Variants in FLYWCH2 observed in about 807,000 individuals in gnomAD.
FLYWCH2 encodes FLYWCH family member 2.
Under a neutral mutation model 6.0 loss-of-function variants are expected in FLYWCH2, and 2 were observed. The ratio of observed to expected loss-of-function variants is 0.33; its 90% CI spans 0.14 to 1.04. The LOEUF is 1.04. FLYWCH2 is among the 50% of genes least tolerant of loss of function. FLYWCH2 has a pLI of 0.45. For missense variants in FLYWCH2, 192 were observed against 183.4 expected (o/e 1.05, Z -0.27); for synonymous variants, 87 against 79.3 (o/e 1.10, Z -0.52).
chr16:2,895,413 T>C (rs1596339018), intron 2 of FLYWCH2, 93 bp downstream of exon 2: 1 of 152,100 alleles, frequency 6.6e-6, no homozygotes, highest in Non-Finnish European at 1.5e-5. Flanking sequence ...GATCACGAGG[T>C]CAGGAGATCG....
At chr16:2,893,571 G>C (rs946352779) in intron 1 of FLYWCH2, among the ~76,000 whole-genome samples, 1 of 150,872 alleles carries the variant, frequency 6.6e-6, no homozygotes, top group African/African-American at 2.4e-5. Context: ...TGTCTTGTTC[G>C]TTTAATATGG....
chr16:2,897,929 G>A (rs1359095240), intron 3 of FLYWCH2, among the ~76,000 whole-genome samples: 3 of 152,220 alleles, frequency 2.0e-5, no homozygotes, highest in Admixed American at 6.5e-5. Context: ...AAGAAGAGGC[G>A]TAGCAGGTGG....
chr16:2,893,634 CTTTTTT>C (rs35147234), intron 1 of FLYWCH2, among the ~76,000 whole-genome samples: 7 of 111,928 alleles, frequency 6.3e-5, no homozygotes, highest in Non-Finnish European at 1.1e-4. Context: ...TTCTTTTCTT[CTTTTTT>C]TTTTTTTTTT....
intron 1 of FLYWCH2, among the ~76,000 whole-genome samples, chr16:2,892,199 A>C (rs1431965188): frequency 6.6e-6 from 1 of 150,802 alleles, no homozygotes; most frequent in Non-Finnish European, 1.5e-5. Flanking sequence ...TCTCAAAAAA[A>C]CAAACTATTT....
intron 1 of FLYWCH2, among the ~76,000 whole-genome samples, chr16:2,889,883 G>A (rs1023058316): frequency 2.6e-5 from 4 of 152,056 alleles, no homozygotes; most frequent in South Asian, 2.1e-4. Flanking sequence ...TCTGGAGTTC[G>A]AGACCAGTCT....
chr16:2,897,409 T>G (rs916550318), intron 3 of FLYWCH2, among the ~76,000 whole-genome samples: 2 of 151,634 alleles, frequency 1.3e-5, no homozygotes, highest in Admixed American at 1.3e-4. Flanking sequence ...GGGCTGGGGG[T>G]GTGGCCCTAG....
At chr16:2,884,810 G>A (rs959288863) in intron 1 of FLYWCH2, among the ~76,000 whole-genome samples, 4 of 149,860 alleles carry the variant, frequency 2.7e-5, no homozygotes, top group African/African-American at 9.8e-5. Flanking sequence ...GGAGGCAGAG[G>A]TTGCAGTGAC....
In FLYWCH2 at chr16:2,896,456, C is replaced by T. The variant is rs772636895; in HGVS notation, c.7C>T (p.Leu3=). The T allele has an allele frequency of 6.2e-7, 1 of 1,611,372 alleles. No homozygotes were observed. Among genetic ancestry groups the T allele is most frequent in the Admixed American group, 1.7e-5 (1 of 59,836 alleles). The change falls in exon 3 of 4, where the codon CTG becomes TTG. Residue 3 remains leucine, a synonymous_variant. Transcript: ENST00000396958. MP[L]PEPSEQEGES... The stretch of plus-strand genomic sequence containing the variant: ...ACAGGCCCTGGGTCCCGGGATGCCC[C>T]TGCCCGAGCCCAGCGAGCAGGAGGG...
chr16:2,893,145 C>T (rs1267056650), intron 1 of FLYWCH2, among the ~76,000 whole-genome samples: 1 of 151,982 alleles, frequency 6.6e-6, no homozygotes. Flanking sequence ...TCTCGGAACC[C>T]TCTCCTTTTG....
chr16:2,895,007 A>T (rs1292555893), intron 1 of FLYWCH2, among the ~76,000 whole-genome samples: 1 of 152,114 alleles, frequency 6.6e-6, no homozygotes, highest in African/African-American at 2.4e-5. Context: ...ACAGGGGGCT[A>T]GGTGGCTGCC....
At chr16:2,889,209 C>CTTT (rs1329641985) in intron 1 of FLYWCH2, among the ~76,000 whole-genome samples, 8 of 126,388 alleles carry the variant, frequency 6.3e-5, no homozygotes, top group East Asian at 2.2e-4. Context: ...CTAACCTTTA[C>CTTT]TTTTTTTTTT....
chr16:2,896,826 C>G, intron 3 of FLYWCH2, 55 bp downstream of exon 3: 1 of 1,498,388 alleles, frequency 6.7e-7, no homozygotes, highest in Non-Finnish European at 9.0e-7. Context: ...GGGTGGCCCC[C>G]ACAGCCGCGC....
rs140512935 is a variant in FLYWCH2, at chr16:2,889,931, G to A, written c.-199-5289G>A. Among the ~76,000 whole-genome samples the A allele has an allele frequency of 7.6e-3, 1,157 of 152,072 alleles. 19 individuals are homozygous for A. Among genetic ancestry groups the A allele is most frequent in the African/African-American group, 0.026 (1,088 of 41,458 alleles). ...GAAACCGTGTCTCTATTAAAAATACGATAATTAGCCAGGCGTAGTGGTGCG... is the reference window on the plus strand; with the variant it reads ...GAAACCGTGTCTCTATTAAAAATACAATAATTAGCCAGGCGTAGTGGTGCG... On this transcript the variant is annotated intron_variant, in intron 1 of 3. Transcript: ENST00000396958.
At chr16:2,885,182 C>A (rs1232933579) in intron 1 of FLYWCH2, among the ~76,000 whole-genome samples, 3 of 151,486 alleles carry the variant, frequency 2.0e-5, no homozygotes, top group Admixed American at 6.6e-5. Flanking sequence ...ATTAGCCAGG[C>A]GTGGTGGCAG....
intron 1 of FLYWCH2, among the ~76,000 whole-genome samples, chr16:2,892,946 G>C (rs984631706): frequency 7.1e-6 from 1 of 140,740 alleles, no homozygotes; most frequent in African/African-American, 2.5e-5. Flanking sequence ...CATATATGTT[G>C]TATATGTGTC....
intron 1 of FLYWCH2, among the ~76,000 whole-genome samples, chr16:2,884,071 A>G (rs1209690854): frequency 1.3e-5 from 2 of 152,178 alleles, no homozygotes; most frequent in Non-Finnish European, 2.9e-5. Context: ...GTCGGGGTCA[A>G]TAACAGCCCC....
intron 1 of FLYWCH2, among the ~76,000 whole-genome samples, chr16:2,888,858 A>G (rs906332896): frequency 3.3e-5 from 5 of 152,134 alleles, no homozygotes; most frequent in African/African-American, 4.8e-5. Flanking sequence ...AGCAAATATC[A>G]TGGTTTTTAA....
intron 1 of FLYWCH2, among the ~76,000 whole-genome samples, chr16:2,888,417 A>T (rs1397733146): frequency 8.7e-6 from 1 of 115,286 alleles, no homozygotes. Context: ...TTTTTTCAAG[A>T]TTGTTTTTGC....
chr16:2,891,682 G>C (rs1185006556), intron 1 of FLYWCH2, among the ~76,000 whole-genome samples: 1 of 151,572 alleles, frequency 6.6e-6, no homozygotes. Context: ...GGGATTATAG[G>C]CGTGAGCCAC....
Sources: allele counts gnomAD v4.1 joint callset (sites outside exome capture counted in the v4.1 genomes callset), GRCh38; gene constraint gnomAD v4.1.1; transcripts MANE v1.5; gene names NCBI Gene and HGNC (gene_info 2026-07-23, HGNC 2026-07-21).